The following KLF12 variants were observed in gnomAD, a reference collection of about 807,000 sequenced individuals.
The protein encoded by KLF12 is KLF transcription factor 12.
A neutral mutation model predicts 37.8 loss-of-function variants in KLF12; 9 were observed. The ratio of observed to expected loss-of-function variants is 0.24; its 90% CI spans 0.14 to 0.42. KLF12 has a LOEUF of 0.42. Ranked by LOEUF, KLF12 falls within the 10% of genes least tolerant of loss-of-function variation. KLF12 has a pLI of 1.00. For missense variants in KLF12, 411 were observed against 516.0 expected (o/e 0.80, Z 1.97); for synonymous variants, 208 against 202.1 (o/e 1.03, Z -0.25).
chr13:74,065,515 C>T (rs906722702), intron 1 of KLF12, among the ~76,000 whole-genome samples: 1 of 152,096 alleles, frequency 6.6e-6, no homozygotes, highest in Non-Finnish European at 1.5e-5. Context: ...ATTCAGTGAA[C>T]CCATAGGCAT....
At chr13:74,177,814 A>G in the KLF12 span, among the ~76,000 whole-genome samples, 10 of 152,308 alleles carry the variant, frequency 6.6e-5, no homozygotes, top group Non-Finnish European at 1.0e-4. Context: ...TCAAACTATG[A>G]AAAACTTTTG....
At chr13:74,020,792 G>A (rs370845409) in intron 1 of KLF12, among the ~76,000 whole-genome samples, 3 of 152,038 alleles carry the variant, frequency 2.0e-5, no homozygotes, top group Admixed American at 6.6e-5. Context: ...TCGGGAGGCT[G>A]AGGCAGGAGA....
intron 1 of KLF12, among the ~76,000 whole-genome samples, chr13:74,041,999 T>C (rs1318983095): frequency 6.6e-6 from 1 of 152,146 alleles, no homozygotes; most frequent in African/African-American, 2.4e-5. Context: ...TAGTCATAAC[T>C]TCAGTATGAA....
chr13:73,979,939 G>GA (rs1276832699), intron 2 of KLF12, among the ~76,000 whole-genome samples: 8 of 151,932 alleles, frequency 5.3e-5, no homozygotes, highest in Non-Finnish European at 1.0e-4. Context: ...AAGACACACA[G>GA]AAAAAAAAGA....
intron 3 of KLF12, among the ~76,000 whole-genome samples, chr13:73,857,487 T>C (rs1386316400): frequency 6.6e-6 from 1 of 152,252 alleles, no homozygotes; most frequent in African/African-American, 2.4e-5. Flanking sequence ...ATTTGTTTTT[T>C]AACTAATACA....
chr13:73,695,843 T>A (rs773308531), intron 7 of KLF12, among the ~76,000 whole-genome samples, 172 bp from the exon 8 acceptor site: 42 of 152,340 alleles, frequency 2.8e-4, no homozygotes, highest in Non-Finnish European at 5.6e-4. Flanking sequence ...GGTGATGGTT[T>A]CAATCTCGTC....
chr13:73,776,513 T>C (rs567855082), intron 5 of KLF12, among the ~76,000 whole-genome samples: 22 of 152,216 alleles, frequency 1.4e-4, no homozygotes, highest in East Asian at 3.9e-4. Flanking sequence ...ACCAATAGGA[T>C]TGGACAAATA....
At chr13:73,777,108 G>T (rs886387735) in intron 5 of KLF12, among the ~76,000 whole-genome samples, 1 of 152,220 alleles carries the variant, frequency 6.6e-6, no homozygotes, top group East Asian at 1.9e-4. Context: ...CGAGAGGTCA[G>T]AAGAGAGAAA....
At chr13:74,271,204 C>A in the KLF12 span, among the ~76,000 whole-genome samples, 1 of 152,164 alleles carries the variant, frequency 6.6e-6, no homozygotes, top group South Asian at 2.1e-4. Flanking sequence ...TCCCTCCCAC[C>A]CCATCTGTGG....
At chr13:74,153,948 A>G in the KLF12 span, among the ~76,000 whole-genome samples, 1 of 152,026 alleles carries the variant, frequency 6.6e-6, no homozygotes, top group Admixed American at 6.6e-5. Context: ...ATTTATTCGG[A>G]CGGGTGTGGT....
intron 3 of KLF12, among the ~76,000 whole-genome samples, chr13:73,916,253 A>G (rs1043073967): frequency 6.0e-5 from 9 of 150,106 alleles, no homozygotes; most frequent in East Asian, 2.0e-4. Flanking sequence ...ACACGCACAC[A>G]CACACACACA....
the KLF12 span, among the ~76,000 whole-genome samples, chr13:74,302,107 C>T: frequency 1.3e-5 from 2 of 152,156 alleles, no homozygotes; most frequent in Non-Finnish European, 2.9e-5. Context: ...CTGGGTAGCA[C>T]TGGGGCCATC....
At chr13:74,277,871 A>C in the KLF12 span, among the ~76,000 whole-genome samples, 1 of 152,228 alleles carries the variant, frequency 6.6e-6, no homozygotes, top group Non-Finnish European at 1.5e-5. Context: ...CTGAGCCCAA[A>C]GGATGGAGAG....
intron 4 of KLF12, among the ~76,000 whole-genome samples, chr13:73,817,318 C>CAAAA (rs749318816): frequency 1.9e-5 from 1 of 52,234 alleles, no homozygotes; most frequent in Non-Finnish European, 4.0e-5. Context: ...GATCCTGTTT[C>CAAAA]AAAAAAAAAA....
At chr13:73,803,905 C>A (rs578234397) in intron 5 of KLF12, among the ~76,000 whole-genome samples, 1 of 152,250 alleles carries the variant, frequency 6.6e-6, no homozygotes, top group African/African-American at 2.4e-5. Context: ...AAATGGCACA[C>A]TTTGGGGTGT....
At chr13:73,828,073 G>T (rs1337330145) in intron 4 of KLF12, among the ~76,000 whole-genome samples, 1 of 150,216 alleles carries the variant, frequency 6.7e-6, no homozygotes, top group Non-Finnish European at 1.5e-5. Flanking sequence ...TCTGAATTTT[G>T]TTTTTTTTTA....
In KLF12 at chr13:73,866,323, G is replaced by A. The variant is rs567585202; in HGVS notation, c.124-19950C>T. ...AAGGTATTACATGTGTGTAATTGGA[G>A]GCCCAGAGGAGTGGAGAGAAAGAAT... On this transcript the variant is annotated intron_variant, in intron 3 of 7. Transcript: ENST00000377669. 5.3e-5 allele frequency among the ~76,000 whole-genome samples: 8 copies of A among 152,238 alleles called. No individual in the cohort carries two copies. The East Asian group carries it at 1.5e-3, about 29-fold the overall frequency.
At chr13:74,140,997 G>A in the KLF12 span, among the ~76,000 whole-genome samples, 6 of 152,070 alleles carry the variant, frequency 3.9e-5, no homozygotes, top group African/African-American at 9.7e-5. Context: ...CCTGGGAGGA[G>A]GAGCTTGCAG....
chr13:73,979,204 A>T lies in KLF12; in HGVS notation c.33+15786T>A, dbSNP rs9573338. The stretch of plus-strand genomic sequence containing the variant: ...TACCTCAAGGTAGGTTACTCACTCA[A>T]CTGTAATAAACGTATCATCCTGGTG... On this transcript the variant is annotated intron_variant, in intron 2 of 7. Transcript: ENST00000377669. 6.1e-3 allele frequency among the ~76,000 whole-genome samples: 936 copies of T among 152,276 alleles called. 39 individuals carry two copies. The East Asian group carries it at 0.12, about 20-fold the overall frequency.
Sources: gnomAD v4.1 joint callset for allele counts (sites outside exome capture counted in the v4.1 genomes callset) on GRCh38, gnomAD v4.1.1 for gene constraint, MANE v1.5 for transcripts, NCBI Gene and HGNC (gene_info 2026-07-23, HGNC 2026-07-21) for gene names.